The following IL15 variants were observed in gnomAD, a reference collection of about 807,000 sequenced individuals.
IL15 encodes interleukin 15.
A neutral mutation model predicts 19.6 loss-of-function variants in IL15; 11 were observed. That is an observed-to-expected ratio of 0.56 (90% CI 0.35 to 0.93). IL15 has a LOEUF of 0.93. Ranked by LOEUF, IL15 falls within the 40% of genes least tolerant of loss-of-function variation. The pLI, the probability that IL15 is intolerant of heterozygous loss-of-function variation, is 0.01. For missense variants in IL15, 197 were observed against 186.5 expected, an observed-to-expected ratio of 1.06 and a Z score of -0.33; for synonymous variants, 58 against 59.6, an observed-to-expected ratio of 0.97 and a Z score of 0.12.
At chr4:141,676,044 A>G (rs999902622) in intron 2 of IL15, among the ~76,000 whole-genome samples, 1 of 152,238 alleles carries the variant, frequency 6.6e-6, no homozygotes, top group African/African-American at 2.4e-5. Context: ...TTAGTAAAAA[A>G]TAGAAGCCAG....
intron 2 of IL15, chr4:141,688,773 T>A (rs1459004104): frequency 3.3e-5 from 5 of 151,920 alleles, no homozygotes; most frequent in Non-Finnish European, 7.3e-5. Flanking sequence ...ACTTAACATG[T>A]ACAACACTGA....
intron 2 of IL15, among the ~76,000 whole-genome samples, chr4:141,707,445 T>G (rs75145203): frequency 0.011 from 1,699 of 152,300 alleles, 31 homozygotes; most frequent in African/African-American, 0.039. Context: ...TTTGGGGGTA[T>G]CATGTTTTCT....
intron 2 of IL15, among the ~76,000 whole-genome samples, chr4:141,686,381 G>A (rs1016679848): frequency 6.6e-6 from 1 of 152,026 alleles, no homozygotes; most frequent in Non-Finnish European, 1.5e-5. Flanking sequence ...ATAAATGAAA[G>A]GCTGCATATC....
intron 1 of IL15, among the ~76,000 whole-genome samples, chr4:141,644,794 TC>T (rs1227760705): frequency 1.3e-5 from 2 of 152,064 alleles, no homozygotes; most frequent in African/African-American, 4.8e-5. Flanking sequence ...AAATACCATT[TC>T]AAAACAAGAC....
At position 141,656,258 on chromosome 4, in the gene IL15, A is replaced by T. The variant is rs935445580; in HGVS notation, c.-149A>T. The T allele has an allele frequency of 5.0e-6, 2 of 398,292 alleles. No individual in the cohort carries two copies. Among genetic ancestry groups the T allele is most frequent in the Non-Finnish European group, 8.9e-6 (2 of 225,930 alleles). The allele number at this position is 398,292 out of a possible 1,614,324, so 24.7% of individuals were successfully genotyped here. A position where few individuals can be genotyped will look rare whatever the true frequency, so the allele number is the denominator to read the frequency against. On this transcript the variant is annotated 5_prime_UTR_variant, in exon 2 of 8. It removes an upstream start codon present in the reference 5' UTR. Coordinates refer to ENST00000320650, the MANE Select transcript of IL15 (RefSeq NM_000585.5). ...TCATGTTCCATGCTGCTGACGTCAC[A>T]TGGAGCACAGAAATCAATGTTAGCA...
At chr4:141,650,325 T>A (rs78795553) in intron 1 of IL15, among the ~76,000 whole-genome samples, 324 of 152,192 alleles carry the variant, frequency 2.1e-3, no homozygotes, top group African/African-American at 7.0e-3. Flanking sequence ...TGTAGGATAG[T>A]TAGATCTAAG....
chr4:141,706,409 G>T (rs950182907), intron 2 of IL15, among the ~76,000 whole-genome samples: 1 of 151,714 alleles, frequency 6.6e-6, no homozygotes, highest in African/African-American at 2.4e-5. Flanking sequence ...TGTAATTTTT[G>T]ACCGTTTTGA....
chr4:141,653,358 C>T (rs4956304), intron 1 of IL15, among the ~76,000 whole-genome samples: 148,326 of 152,268 alleles, frequency 0.97, 72,262 homozygotes, highest in East Asian at 1. Flanking sequence ...ATCTGTGCTA[C>T]ATAATATTTT....
chr4:141,721,304 T>A, intron 4 of IL15: 1 of 653,038 alleles, frequency 1.5e-6, no homozygotes. Flanking sequence ...TCAGTATAAG[T>A]GTATTTTGTC....
chr4:141,707,772 G>A (rs2152184621), intron 2 of IL15, among the ~76,000 whole-genome samples: 1 of 152,340 alleles, frequency 6.6e-6, no homozygotes, highest in African/African-American at 2.4e-5. Context: ...GGTTGGGCAT[G>A]TGGGGGCACA....
At chr4:141,640,716 G>C (rs1727014168) in intron 1 of IL15, among the ~76,000 whole-genome samples, 2 of 152,110 alleles carry the variant, frequency 1.3e-5, no homozygotes, top group South Asian at 4.1e-4. Context: ...TTATTTTATA[G>C]TGTTTCATCC....
At chr4:141,695,735 C>T (rs907199548) in intron 2 of IL15, among the ~76,000 whole-genome samples, 12 of 152,038 alleles carry the variant, frequency 7.9e-5, no homozygotes, top group African/African-American at 2.9e-4. Flanking sequence ...CCCTTACTAA[C>T]ACTTGTTTTG....
chr4:141,664,487 T>C (rs926774958), intron 2 of IL15, among the ~76,000 whole-genome samples: 1 of 151,910 alleles, frequency 6.6e-6, no homozygotes, highest in African/African-American at 2.4e-5. Flanking sequence ...TTCCCCCTAA[T>C]ATATTAAGAA....
chr4:141,641,117 G>C (rs753486335), intron 1 of IL15, among the ~76,000 whole-genome samples: 3 of 152,094 alleles, frequency 2.0e-5, no homozygotes, highest in Non-Finnish European at 4.4e-5. Context: ...TGTTAGCACT[G>C]ACCTCTAAAA....
chr4:141,638,878 T>G (rs1237780442), intron 1 of IL15, among the ~76,000 whole-genome samples: 1 of 152,188 alleles, frequency 6.6e-6, no homozygotes, highest in African/African-American at 2.4e-5. Context: ...GAGTTTTAAA[T>G]CTTTTGAAAA....
intron 2 of IL15, among the ~76,000 whole-genome samples, chr4:141,706,478 T>C (rs1039365872): frequency 2.0e-5 from 3 of 152,102 alleles, no homozygotes; most frequent in African/African-American, 7.2e-5. Flanking sequence ...GCTAGGATAT[T>C]CTGAGTTTGA....
At chr4:141,704,901 T>A (rs1276087741) in intron 2 of IL15, among the ~76,000 whole-genome samples, 3 of 151,912 alleles carry the variant, frequency 2.0e-5, no homozygotes, top group Non-Finnish European at 4.4e-5. Context: ...CATGATCCTT[T>A]GTATTTTTGT....
chr4:141,674,718 G>C (rs1184851186), intron 2 of IL15, among the ~76,000 whole-genome samples: 1 of 152,162 alleles, frequency 6.6e-6, no homozygotes, highest in Non-Finnish European at 1.5e-5. Flanking sequence ...ACAAGATTAT[G>C]TATGCAATAT....
chr4:141,659,128 C>T (rs983881300), intron 2 of IL15, among the ~76,000 whole-genome samples: 1 of 151,872 alleles, frequency 6.6e-6, no homozygotes, highest in Non-Finnish European at 1.5e-5. Context: ...GGATTACAGG[C>T]GTGAGCCACT....
Sources: gnomAD v4.1 joint callset for allele counts (sites outside exome capture counted in the v4.1 genomes callset) on GRCh38, gnomAD v4.1.1 for gene constraint, MANE v1.5 for transcripts, NCBI Gene and HGNC (gene_info 2026-07-23, HGNC 2026-07-21) for gene names.